Variants in PLA2G7 observed in about 807,000 individuals in gnomAD.
PLA2G7 encodes phospholipase A2 group VII.
In PLA2G7, 63 loss-of-function variants were observed where a neutral mutation model predicts 49.6. The ratio of observed to expected loss-of-function variants is 1.27; its 90% CI spans 1.04 to 1.57. The LOEUF (loss-of-function observed/expected upper bound fraction) is 1.57. PLA2G7 is among the 40% of genes most tolerant of loss of function. PLA2G7 has a pLI of 0.00. For synonymous variants in PLA2G7, 193 were observed against 169.9 expected (o/e 1.14, Z -1.06); for missense variants, 596 against 521.2 (o/e 1.14, Z -1.40).
At chr6:46,717,237 A>C (rs756869328) in intron 2 of PLA2G7, 141 bp from the exon 3 acceptor site, 1 of 768,508 alleles carries the variant, frequency 1.3e-6, no homozygotes, top group Non-Finnish European at 2.3e-6. Context: ...AAGATATGCA[A>C]TTATTGAGGG....
rs200105872 is a variant in PLA2G7, at chr6:46,704,579, C to G, written c.1307G>C (p.Gly436Ala). Residue 436 changes from glycine to alanine, a missense_variant, in exon 12 of 12, where the codon GGA becomes GCA. Coordinates refer to ENST00000274793, the MANE Select transcript of PLA2G7 (RefSeq NM_005084.4). ...NQHIMLQNSS[G>A]IEKYN The stretch of plus-strand genomic sequence containing the variant: ...TTAATCCTAATTGTATTTCTCTATT[C>G]CTGAAGAGTTCTGTAACATGATGTG... 1.0e-5 allele frequency: 16 copies of G among 1,587,558 alleles called. No individual in the cohort carries two copies. Among genetic ancestry groups the G allele is most frequent in the Non-Finnish European group, 1.3e-5 (15 of 1,158,098 alleles).
intron 1 of PLA2G7, among the ~76,000 whole-genome samples, chr6:46,734,455 A>T (rs1381352683): frequency 0.019 from 2,189 of 114,916 alleles, 285 homozygotes; most frequent in African/African-American, 0.055. Context: ...AGAGAGAGAG[A>T]GAGAGAGAGA....
chr6:46,729,484 TA>T (rs1483524248), intron 1 of PLA2G7, among the ~76,000 whole-genome samples: 1 of 152,236 alleles, frequency 6.6e-6, no homozygotes, highest in East Asian at 1.9e-4. Flanking sequence ...ATAGTGTTTG[TA>T]CATACAGTTA....
chr6:46,733,266 A>G (rs577194913), intron 1 of PLA2G7, among the ~76,000 whole-genome samples: 82 of 152,296 alleles, frequency 5.4e-4, no homozygotes, highest in African/African-American at 1.9e-3. Flanking sequence ...AAAAGTGCAA[A>G]GGGGACAGAG....
intron 1 of PLA2G7, among the ~76,000 whole-genome samples, chr6:46,732,935 C>A (rs1004430605): frequency 6.6e-6 from 1 of 152,116 alleles, no homozygotes; most frequent in African/African-American, 2.4e-5. Context: ...GGAAATTTCT[C>A]AACATCTTGA....
chr6:46,726,787 A>T (rs1582586566), intron 1 of PLA2G7, among the ~76,000 whole-genome samples: 1 of 151,836 alleles, frequency 6.6e-6, no homozygotes, highest in Non-Finnish European at 1.5e-5. Flanking sequence ...GATTACAGGC[A>T]CCCACCATAA....
chr6:46,732,697 A>G (rs45540533), intron 1 of PLA2G7, among the ~76,000 whole-genome samples: 1,918 of 152,184 alleles, frequency 0.013, 32 homozygotes, highest in African/African-American at 0.044. Context: ...AAAACCAAAA[A>G]CCTACATGTT....
chr6:46,717,711 TTTTC>T (rs1342028661), intron 2 of PLA2G7, among the ~76,000 whole-genome samples: 4 of 35,330 alleles, frequency 1.1e-4, no homozygotes, highest in East Asian at 1.1e-3. Context: ...TCTTTTTTCT[TTTTC>T]TTTTTTTTTT....
Position 46,722,793 on chromosome 6 carries a change from C to T in PLA2G7, c.99G>A (p.Met33Ile), listed in dbSNP as rs368035023. 3.1e-6 allele frequency: 5 copies of T among 1,597,400 alleles called. No individual in the cohort carries two copies. In the African/African-American group the frequency reaches 6.7e-5, roughly 21 times the overall value. The stretch of plus-strand genomic sequence containing the variant: ...AAATACACCTCTTACCTGATGATTT[C>T]ATATGGGCAACAGGATTTATGTATT... ...DWQYINPVAHMKSSAWVNKIQ... is the reference protein window; with the variant it reads ...DWQYINPVAHIKSSAWVNKIQ... Residue 33 changes from methionine to isoleucine, a missense_variant, in exon 2 of 12, where the codon ATG becomes ATA. Met to Ile is a conservative substitution (Grantham distance 10, BLOSUM62 1). Coordinates refer to ENST00000274793, the MANE Select transcript of PLA2G7 (RefSeq NM_005084.4).
chr6:46,722,509 C>T (rs1019482853), intron 2 of PLA2G7, among the ~76,000 whole-genome samples: 7 of 152,030 alleles, frequency 4.6e-5, no homozygotes, highest in Admixed American at 1.3e-4. Flanking sequence ...GGAGGTTCTC[C>T]GTGGTGATTG....
At chr6:46,712,818 G>A (rs1157676577) in intron 5 of PLA2G7, among the ~76,000 whole-genome samples, 1 of 152,150 alleles carries the variant, frequency 6.6e-6, no homozygotes, top group Admixed American at 6.5e-5. Context: ...ATTTGTTTTA[G>A]GGTAGTTGTA....
intron 1 of PLA2G7, among the ~76,000 whole-genome samples, 171 bp downstream of exon 1, chr6:46,735,009 C>T (rs1425423286): frequency 1.3e-5 from 2 of 152,178 alleles, no homozygotes; most frequent in African/African-American, 2.4e-5. Flanking sequence ...CCGCAAGGAT[C>T]CTAGCGCTGT....
chr6:46,718,894 A>C (rs1429830818), intron 2 of PLA2G7, among the ~76,000 whole-genome samples: 1 of 152,180 alleles, frequency 6.6e-6, no homozygotes, highest in Non-Finnish European at 1.5e-5. Flanking sequence ...ATGCTCAACA[A>C]ATACTTGTGA....
chr6:46,710,551 T>A lies in PLA2G7; in HGVS notation c.771A>T (p.Gln257His), dbSNP rs749832446. Reference sequence around the variant, plus strand: ...ATTACTTTTTATAGCTTACCTTCAGTTGTTCCATATCAAACTTTAAATCTA... The same window carrying A: ...ATTACTTTTTATAGCTTACCTTCAGATGTTCCATATCAAACTTTAAATCTA... The part of the protein sequence containing the change: ...NALDLKFDME[Q>H]LKDSIDREKI... Residue 257 changes from glutamine to histidine, a missense_variant, in exon 8 of 12, where the codon CAA becomes CAT. Physicochemically the swap from Gln to His is conservative, Grantham distance 24. Coordinates refer to ENST00000274793, the MANE Select transcript of PLA2G7 (RefSeq NM_005084.4). 1 of 1,579,698 alleles carries A rather than the reference T, an allele frequency of 6.3e-7. No homozygotes were observed. The highest frequency in any genetic ancestry group is 8.7e-7 in the Non-Finnish European group (1 of 1,148,890).
intron 2 of PLA2G7, among the ~76,000 whole-genome samples, chr6:46,718,284 G>A (rs1765282439): frequency 6.6e-6 from 1 of 152,212 alleles, no homozygotes; most frequent in Non-Finnish European, 1.5e-5. Flanking sequence ...TTTCCTTGAA[G>A]GAGGAATGTA....
At chr6:46,724,466 C>T (rs954371228) in intron 1 of PLA2G7, among the ~76,000 whole-genome samples, 2 of 152,176 alleles carry the variant, frequency 1.3e-5, no homozygotes, top group African/African-American at 4.8e-5. Context: ...ATGAAGCACT[C>T]GTTAGTATAG....
intron 1 of PLA2G7, among the ~76,000 whole-genome samples, chr6:46,726,313 G>A (rs1765572179): frequency 6.6e-6 from 1 of 152,196 alleles, no homozygotes. Flanking sequence ...CGGGAGTTAT[G>A]AGCCAGGAAC....
At chr6:46,710,794 G>A (rs1173510818) in intron 7 of PLA2G7, 136 bp from the exon 8 acceptor site, 8 of 698,452 alleles carry the variant, frequency 1.1e-5, no homozygotes, top group African/African-American at 5.3e-5. Context: ...ACTATTACTT[G>A]CTACCATAAT....
At chr6:46,711,733 T>G (rs1040128003) in intron 6 of PLA2G7, 114 bp from the exon 7 acceptor site, 20 of 1,034,898 alleles carry the variant, frequency 1.9e-5, no homozygotes, top group Non-Finnish European at 2.7e-5. Flanking sequence ...CTTCCCTTTC[T>G]TCTTCCACTC....
Sources: gnomAD v4.1 joint callset for allele counts (sites outside exome capture counted in the v4.1 genomes callset) on GRCh38, gnomAD v4.1.1 for gene constraint, MANE v1.5 for transcripts, NCBI Gene and HGNC (gene_info 2026-07-23, HGNC 2026-07-21) for gene names.